Variants in STX6 observed in about 807,000 individuals in gnomAD.
STX6 encodes the protein syntaxin-6.
In STX6, 23 loss-of-function variants were observed where a neutral mutation model predicts 38.0. The ratio of observed to expected loss-of-function variants is 0.60; its 90% CI spans 0.43 to 0.86. The LOEUF (loss-of-function observed/expected upper bound fraction) is 0.86. STX6 is among the 40% of genes least tolerant of loss of function. STX6 has a pLI of 0.00. For missense variants in STX6, 274 were observed against 312.9 expected (o/e 0.88, Z 0.94); for synonymous variants, 123 against 107.5 (o/e 1.14, Z -0.89).
At chr1:180,981,471 C>G (rs1655414423) in intron 7 of STX6, among the ~76,000 whole-genome samples, 2 of 152,142 alleles carry the variant, frequency 1.3e-5, no homozygotes, top group Non-Finnish European at 2.9e-5. Flanking sequence ...CGCCCTCAAC[C>G]TCACACACTC....
intron 1 of STX6, among the ~76,000 whole-genome samples, chr1:181,014,761 C>T (rs979952129): frequency 2.0e-5 from 3 of 152,208 alleles, no homozygotes; most frequent in African/African-American, 4.8e-5. Flanking sequence ...ACATTCACAT[C>T]GTTTGTATTT....
chr1:180,991,782 C>A (rs1232226861), intron 4 of STX6, among the ~76,000 whole-genome samples: 1 of 152,086 alleles, frequency 6.6e-6, no homozygotes, highest in Non-Finnish European at 1.5e-5. Context: ...AAGGCCCATG[C>A]CTGCTGGAGT....
At chr1:180,989,404 G>A (rs1194176507) in intron 5 of STX6, 1 of 151,132 alleles carries the variant, frequency 6.6e-6, no homozygotes, top group African/African-American at 2.4e-5. Flanking sequence ...GCTGAGGCAG[G>A]AGAACTGCTT....
chr1:181,008,040 G>C (rs1656278503), intron 1 of STX6, among the ~76,000 whole-genome samples: 1 of 152,198 alleles, frequency 6.6e-6, no homozygotes, highest in Non-Finnish European at 1.5e-5. Flanking sequence ...TTGGAAAAGG[G>C]AGGAGAATTT....
chr1:180,995,485 A>G (rs1282455741), intron 3 of STX6, among the ~76,000 whole-genome samples: 2 of 152,222 alleles, frequency 1.3e-5, no homozygotes, highest in African/African-American at 4.8e-5. Context: ...CTGACAGTCA[A>G]TCCAACAGCC....
chr1:181,004,101 A>G (rs537711836), intron 2 of STX6, among the ~76,000 whole-genome samples: 3 of 152,350 alleles, frequency 2.0e-5, no homozygotes, highest in South Asian at 4.1e-4. Flanking sequence ...TTACCTGTAT[A>G]ATCCCAATAA....
chr1:181,009,369 T>C (rs1656328502), intron 1 of STX6, among the ~76,000 whole-genome samples: 1 of 150,298 alleles, frequency 6.7e-6, no homozygotes, highest in Non-Finnish European at 1.5e-5. Context: ...CTCAGGAGGC[T>C]GAGGCAGCAG....
intron 1 of STX6, among the ~76,000 whole-genome samples, chr1:181,011,508 C>T (rs372689874): frequency 6.6e-6 from 1 of 152,216 alleles, no homozygotes; most frequent in Non-Finnish European, 1.5e-5. Flanking sequence ...CTAACAGCTT[C>T]AAGAGCCACA....
chr1:180,995,324 C>A (rs1250158689), intron 3 of STX6, among the ~76,000 whole-genome samples: 1 of 152,056 alleles, frequency 6.6e-6, no homozygotes, highest in Non-Finnish European at 1.5e-5. Flanking sequence ...AGACTCTTGA[C>A]GGCACATTTT....
Position 180,976,528 on chromosome 1 carries a change from C to A in STX6, c.*42G>T. 1 of 1,548,876 alleles carries A rather than the reference C, an allele frequency of 6.5e-7. No homozygotes were observed. Among genetic ancestry groups the A allele is most frequent in the South Asian group, 1.1e-5 (1 of 89,746 alleles). ...CGTGCTCAGCTTCTCCTCCTCCCCT[C>A]GGTTCATATGCAGGAGGAACTCGCA... On this transcript the variant is annotated 3_prime_UTR_variant, in exon 8 of 8. Coordinates refer to ENST00000258301, the MANE Select transcript of STX6 (RefSeq NM_005819.6).
intron 1 of STX6, among the ~76,000 whole-genome samples, chr1:181,012,950 A>G (rs987591778): frequency 2.6e-5 from 4 of 152,152 alleles, no homozygotes; most frequent in African/African-American, 9.7e-5. Context: ...TTGGTATTAC[A>G]GGCATGAGCC....
At chr1:180,993,931 T>C (rs1655826962) in intron 3 of STX6, among the ~76,000 whole-genome samples, 1 of 152,234 alleles carries the variant, frequency 6.6e-6, no homozygotes, top group Non-Finnish European at 1.5e-5. Flanking sequence ...AAAGTATATT[T>C]ACCATTAAAC....
chr1:180,994,968 ATTT>A (rs35603304), intron 3 of STX6, among the ~76,000 whole-genome samples: 1 of 144,624 alleles, frequency 6.9e-6, no homozygotes, highest in African/African-American at 2.6e-5. Context: ...TTAAAAAAAA[ATTT>A]TTTTTTTTTT....
chr1:181,011,881 T>C (rs1656412640), intron 1 of STX6, among the ~76,000 whole-genome samples: 1 of 152,234 alleles, frequency 6.6e-6, no homozygotes, highest in Admixed American at 6.5e-5. Flanking sequence ...GCACTTCCCG[T>C]TGAGTGAGCA....
intron 6 of STX6, among the ~76,000 whole-genome samples, chr1:180,986,964 T>C (rs998480625): frequency 5.9e-5 from 9 of 152,184 alleles, no homozygotes; most frequent in Non-Finnish European, 1.0e-4. Flanking sequence ...TCCAGCTTCC[T>C]ACCTGGTCTC....
chr1:181,018,350 T>C (rs1349460902), intron 1 of STX6, among the ~76,000 whole-genome samples: 1 of 125,584 alleles, frequency 8.0e-6, no homozygotes, highest in African/African-American at 3.1e-5. Flanking sequence ...GCCATCGCCA[T>C]TGCACTCCAG....
chr1:180,978,264 T>C (rs565075031), intron 7 of STX6, among the ~76,000 whole-genome samples: 33 of 152,276 alleles, frequency 2.2e-4, no homozygotes, highest in Non-Finnish European at 4.6e-4. Flanking sequence ...AGAAGTGAGG[T>C]CACATGGTAA....
intron 3 of STX6, among the ~76,000 whole-genome samples, chr1:180,998,346 G>T (rs531219717): frequency 1.3e-5 from 2 of 152,174 alleles, no homozygotes; most frequent in African/African-American, 4.8e-5. Context: ...CACCACCACC[G>T]CGGGTAAGGA....
intron 5 of STX6, chr1:180,989,507 A>AG (rs2102308682): frequency 6.6e-6 from 1 of 152,338 alleles, no homozygotes; most frequent in East Asian, 1.9e-4. Context: ...CAAAAAAAAA[A>AG]AAAAAAAAGA....
Sources: allele counts gnomAD v4.1 joint callset (sites outside exome capture counted in the v4.1 genomes callset), GRCh38; gene constraint gnomAD v4.1.1; transcripts MANE v1.5; gene names NCBI Gene and HGNC (gene_info 2026-07-23, HGNC 2026-07-21).